RIMS1: variants seen among roughly 807,000 people sequenced by gnomAD.
RIMS1 encodes regulating synaptic membrane exocytosis 1.
Under a neutral mutation model 214.1 loss-of-function variants are expected in RIMS1, and 83 were observed. That is an observed-to-expected ratio of 0.39 (90% CI 0.32 to 0.47). RIMS1 has a LOEUF of 0.47. Ranked by LOEUF, RIMS1 falls within the 20% of genes least tolerant of loss-of-function variation. The pLI is 0.99. For synonymous variants in RIMS1, 793 were observed against 786.8 expected, an observed-to-expected ratio of 1.01 and a Z score of -0.13; for missense variants, 2,050 against 2,161.8, an observed-to-expected ratio of 0.95 and a Z score of 1.03.
chr6:72,290,922 G>A lies in RIMS1; in HGVS notation c.3737+61G>A, dbSNP rs2093298132. The A allele has an allele frequency of 5.4e-6, 8 of 1,493,500 alleles. No individual in the cohort carries two copies. The South Asian group carries it at 9.5e-5, about 18-fold the overall frequency. The allele number at this position is 1,493,500 out of a possible 1,614,324, so 92.5% of individuals were successfully genotyped here. ...TGCCTCCGGGTGTTGGTGTGGTGTT[G>A]TACCTTCCTGAGCACTTGAAGCTTT... is the stretch of plus-strand genomic sequence containing the variant. On this transcript the variant is annotated intron_variant, in intron 25 of 33. Coordinates refer to ENST00000521978, the MANE Select transcript of RIMS1 (RefSeq NM_014989.7).
intron 15 of RIMS1, 94 bp downstream of exon 15, chr6:72,251,462 A>T: frequency 9.6e-7 from 1 of 1,041,350 alleles, no homozygotes; most frequent in African/African-American, 1.6e-5. Context: ...TAAATGTTTT[A>T]TTAGAGATCA....
At chr6:71,933,820 C>G (rs1783800280) in intron 1 of RIMS1, among the ~76,000 whole-genome samples, 1 of 151,972 alleles carries the variant, frequency 6.6e-6, no homozygotes, top group Non-Finnish European at 1.5e-5. Flanking sequence ...GAGCTGATAC[C>G]ATCCAATTAC....
intron 6 of RIMS1, among the ~76,000 whole-genome samples, chr6:72,219,808 A>AC (rs1554287438): frequency 5.4e-5 from 8 of 148,816 alleles, no homozygotes; most frequent in African/African-American, 2.0e-4. Flanking sequence ...TATCCACTTA[A>AC]TTTTTTTTTT....
At chr6:72,308,798 A>G (rs1173956022) in intron 27 of RIMS1, among the ~76,000 whole-genome samples, 1 of 152,156 alleles carries the variant, frequency 6.6e-6, no homozygotes. Context: ...GTCCCGTAGT[A>G]TTGCCTATTT....
chr6:71,940,377 A>G (rs1336782102), intron 1 of RIMS1, among the ~76,000 whole-genome samples: 1 of 152,216 alleles, frequency 6.6e-6, no homozygotes, highest in Non-Finnish European at 1.5e-5. Flanking sequence ...CTCTCTGCAA[A>G]AATTTAAACC....
At chr6:72,361,605 T>C (rs2097828536) in intron 29 of RIMS1, among the ~76,000 whole-genome samples, 1 of 152,196 alleles carries the variant, frequency 6.6e-6, no homozygotes, top group Admixed American at 6.5e-5. Context: ...TCACCCTTAA[T>C]TAATTAAGAG....
chr6:71,945,642 A>G (rs1285976025), intron 1 of RIMS1, among the ~76,000 whole-genome samples: 3 of 152,204 alleles, frequency 2.0e-5, no homozygotes, highest in Non-Finnish European at 4.4e-5. Flanking sequence ...CTTCTATTCA[A>G]CATAATACTG....
At position 72,118,797 on chromosome 6, in the gene RIMS1, C is replaced by G. The variant is rs149219653; in HGVS notation, c.471+18811C>G. Among the ~76,000 whole-genome samples the G allele has an allele frequency of 5.6e-3, 855 of 151,524 alleles. 22 individuals are homozygous for G. The highest frequency in any genetic ancestry group is 7.7e-3 in the Non-Finnish European group (523 of 67,646). The stretch of plus-strand genomic sequence containing the variant: ...ATTCCTTTACGATAAAAATCCTCAA[C>G]AACATAGTCATAAAAGGTACCTACT... On this transcript the variant is annotated intron_variant, in intron 4 of 33. Transcript: ENST00000521978.
chr6:72,328,337 C>A (rs996412554), intron 28 of RIMS1, among the ~76,000 whole-genome samples: 1 of 151,588 alleles, frequency 6.6e-6, no homozygotes, highest in Non-Finnish European at 1.5e-5. Context: ...AGGAGAAATA[C>A]CTAATGTAGA....
At chr6:72,270,142 G>A (rs1458335727) in intron 22 of RIMS1, among the ~76,000 whole-genome samples, 2 of 152,222 alleles carry the variant, frequency 1.3e-5, no homozygotes, top group Non-Finnish European at 2.9e-5. Context: ...ACACACACTA[G>A]CCTTAAGGGA....
intron 27 of RIMS1, among the ~76,000 whole-genome samples, chr6:72,310,402 A>AT (rs973866591): frequency 1.9e-4 from 28 of 148,460 alleles, no homozygotes; most frequent in Admixed American, 4.7e-4. Context: ...TCACCATTCT[A>AT]TTTTTTTTTT....
rs1033474578 is a variant in RIMS1, at chr6:71,886,932, G to T, written c.-92G>T. ...CTCCTGCCGCCGCCGCTAGGGCTCC[G>T]CTGTGAGGGGGAAGCAGGGGCGCAG... On this transcript the variant is annotated 5_prime_UTR_variant, in exon 1 of 34. Coordinates refer to ENST00000521978, the MANE Select transcript of RIMS1 (RefSeq NM_014989.7). 3.4e-6 allele frequency: 5 copies of T among 1,464,936 alleles called. No individual in the cohort carries two copies. In the South Asian group the frequency reaches 5.1e-5, roughly 15 times the overall value. 90.7% of individuals were successfully genotyped at this position (1,464,936 alleles called of 1,614,324 possible).
At position 72,007,502 on chromosome 6, in the gene RIMS1, G is replaced by A. The variant is rs547053448; in HGVS notation, c.245+38439G>A. On this transcript the variant is annotated intron_variant, in intron 2 of 33. Coordinates refer to ENST00000521978, the MANE Select transcript of RIMS1 (RefSeq NM_014989.7). ...TGACTTTGACGAGCTGAGAGAAGAA[G>A]GCTTCAGACAATCAAACTTCTCTGA... 2.0e-4 allele frequency among the ~76,000 whole-genome samples: 31 copies of A among 152,282 alleles called. 1 individual carries two copies. The highest frequency in any genetic ancestry group is 6.5e-4 in the African/African-American group (27 of 41,574).
intron 20 of RIMS1, 72 bp downstream of exon 20, chr6:72,265,124 A>G (rs2079873564): frequency 2.4e-6 from 2 of 822,886 alleles, no homozygotes; most frequent in African/African-American, 3.5e-5. Context: ...AAAAATAGAA[A>G]ATTCACATTC....
intron 2 of RIMS1, among the ~76,000 whole-genome samples, chr6:71,991,686 C>T (rs536140593): frequency 1.3e-5 from 2 of 152,286 alleles, no homozygotes; most frequent in Admixed American, 1.3e-4. Context: ...AGTTTAGAGA[C>T]TTCATATATC....
At chr6:71,915,808 A>G (rs1778214950) in intron 1 of RIMS1, among the ~76,000 whole-genome samples, 1 of 152,142 alleles carries the variant, frequency 6.6e-6, no homozygotes, top group African/African-American at 2.4e-5. Flanking sequence ...AAGAGGTTTG[A>G]TGGACTCACA....
At chr6:71,908,729 A>G (rs868236010) in intron 1 of RIMS1, among the ~76,000 whole-genome samples, 1 of 152,184 alleles carries the variant, frequency 6.6e-6, no homozygotes, top group Non-Finnish European at 1.5e-5. Flanking sequence ...TCCCTTCAGC[A>G]TGATGTTACA....
At chr6:72,127,827 A>G (rs2039821900) in intron 4 of RIMS1, among the ~76,000 whole-genome samples, 3 of 152,364 alleles carry the variant, frequency 2.0e-5, no homozygotes, top group East Asian at 1.9e-4. Flanking sequence ...ATCACAGGCA[A>G]TCTGCTGAGA....
intron 4 of RIMS1, among the ~76,000 whole-genome samples, chr6:72,135,755 G>C (rs1038272300): frequency 1.3e-5 from 2 of 152,122 alleles, no homozygotes; most frequent in African/African-American, 4.8e-5. Context: ...GTTTTTGCGG[G>C]TTTGGGTAGC....
Sources: gnomAD v4.1 joint callset for allele counts (sites outside exome capture counted in the v4.1 genomes callset) on GRCh38, gnomAD v4.1.1 for gene constraint, MANE v1.5 for transcripts, NCBI Gene and HGNC (gene_info 2026-07-23, HGNC 2026-07-21) for gene names.